MFN2: variants seen among roughly 807,000 people sequenced by gnomAD.
The protein encoded by MFN2 is mitofusin 2, also known as mitofusin-2.
Under a neutral mutation model 87.5 loss-of-function variants are expected in MFN2, and 43 were observed. The observed-to-expected ratio is 0.49, with a 90% confidence interval of 0.38 to 0.63. The LOEUF (loss-of-function observed/expected upper bound fraction) is 0.63. Among genes scored for constraint, MFN2 ranks in the 30% least tolerant of loss-of-function variants. MFN2 has a pLI of 0.00. For synonymous variants in MFN2, 337 were observed against 359.9 expected (o/e 0.94, Z 0.72); for missense variants, 743 against 972.8 (o/e 0.76, Z 3.14).
At position 12,006,524 on chromosome 1, in the gene MFN2, G is replaced by A. The variant is rs1482223063; in HGVS notation, c.1717-14G>A. 6.2e-7 allele frequency: 1 copy of A among 1,613,952 alleles called. No individual in the cohort carries two copies. The highest frequency in any genetic ancestry group is 2.2e-5 in the East Asian group (1 of 44,890). On this transcript the variant is annotated splice_polypyrimidine_tract_variant and intron_variant, in intron 15 of 18. Transcript: ENST00000235329. ...AATACGTCCCCCTCACCCCTCTCATGTTTCTCTCCTCAGGTCCAGCGTCCC... is the reference window on the plus strand; with the variant it reads ...AATACGTCCCCCTCACCCCTCTCATATTTCTCTCCTCAGGTCCAGCGTCCC...
chr1:11,983,436 A>C (rs888770581), intron 2 of MFN2, among the ~76,000 whole-genome samples: 1 of 152,178 alleles, frequency 6.6e-6, no homozygotes, highest in Admixed American at 6.5e-5. Context: ...ATTGGGTGCA[A>C]GTCGAGTTCT....
At chr1:11,995,862 A>T (rs113307781) in intron 4 of MFN2, among the ~76,000 whole-genome samples, 32 of 152,270 alleles carry the variant, frequency 2.1e-4, no homozygotes, top group African/African-American at 3.8e-4. Flanking sequence ...AGACAGACAG[A>T]CAGTCTCTAT....
intron 6 of MFN2, among the ~76,000 whole-genome samples, chr1:11,998,112 G>T (rs1025144498): frequency 6.6e-6 from 1 of 151,330 alleles, no homozygotes; most frequent in African/African-American, 2.4e-5. Context: ...TTGAACTGCT[G>T]ACCTCATGAT....
chr1:12,011,385 G>A (rs1206138066), intron 18 of MFN2, 111 bp from the exon 19 acceptor site: 5 of 1,099,556 alleles, frequency 4.5e-6, no homozygotes, highest in South Asian at 1.3e-5. Context: ...ACGATTGTTG[G>A]AGGATGATGT....
chr1:11,981,898 T>A (rs1645991565), intron 1 of MFN2, 72 bp from the exon 2 acceptor site: 2 of 150,748 alleles, frequency 1.3e-5, no homozygotes, highest in South Asian at 4.2e-4. Context: ...GAAACCTGAT[T>A]AGACATGTTT....
At chr1:12,011,345 C>T in intron 18 of MFN2, 151 bp from the exon 19 acceptor site, 1 of 840,490 alleles carries the variant, frequency 1.2e-6, no homozygotes, top group Non-Finnish European at 2.0e-6. Flanking sequence ...TCTGGGCCTC[C>T]TTTTCCCCAT....
chr1:12,005,964 G>A lies in MFN2; in HGVS notation c.1716+33G>A, dbSNP rs200705455. ...AAGTTCCTCACCTCAAGGGCATTGT[G>A]GGGGGTCAGTCTGTACCCTGCCTCC... On this transcript the variant is annotated intron_variant, in intron 15 of 18. Transcript: ENST00000235329. The A allele has an allele frequency of 7.5e-6, 12 of 1,598,244 alleles. No individual in the cohort carries two copies. In the Admixed American group the frequency reaches 1.8e-4, roughly 24 times the overall value.
intron 14 of MFN2, 27 bp from the exon 15 acceptor site, chr1:12,005,684 C>G (rs530820293): frequency 1.2e-6 from 2 of 1,608,562 alleles, no homozygotes; most frequent in Non-Finnish European, 8.5e-7. Context: ...AGCTGATAAG[C>G]TTTTCCTCCA....
At chr1:11,995,995 C>T (rs1460983073) in intron 4 of MFN2, among the ~76,000 whole-genome samples, 161 bp from the exon 5 acceptor site, 3 of 152,158 alleles carry the variant, frequency 2.0e-5, no homozygotes, top group African/African-American at 7.2e-5. Context: ...GGTGTTTATT[C>T]ATTTTAATAA....
rs35943162 is a variant in MFN2, at chr1:12,013,194, G to GA, written c.*1640dup. 9,489 of 300,104 alleles carry GA rather than the reference G, an allele frequency of 0.032. 212 individuals are homozygous for GA. The highest frequency in any genetic ancestry group is 0.1 in the African/African-American group (4,523 of 43,860). The allele number at this position is 300,104 out of a possible 1,614,324, so 18.6% of individuals were successfully genotyped here. On this transcript the variant is annotated 3_prime_UTR_variant, in exon 19 of 19. Coordinates refer to ENST00000235329, the MANE Select transcript of MFN2 (RefSeq NM_014874.4). ...TTCCAATGGATTTTGTGCTCTTTTT[G>GA]AAAAAAAAAAATTCTTTAGCGTAAA... is the stretch of plus-strand genomic sequence containing the variant.
rs755531928 is a variant in MFN2, at chr1:12,006,561, G to A, written c.1740G>A (p.Thr580=). ...AGGTCCAGCGTCCCATCCCTCTGACGCCAGCCAACCCCAGCATGCCCCCAC... is the reference window on the plus strand; with the variant it reads ...AGGTCCAGCGTCCCATCCCTCTGACACCAGCCAACCCCAGCATGCCCCCAC... ...NDQVQRPIPL[T]PANPSMPPLP... is the part of the protein sequence containing the mutation. The change falls in exon 16 of 19, where the codon ACG becomes ACA. Residue 580 remains threonine, a synonymous_variant. Coordinates refer to ENST00000235329, the MANE Select transcript of MFN2 (RefSeq NM_014874.4). The A allele has an allele frequency of 1.9e-6, 3 of 1,614,128 alleles. No individual in the cohort carries two copies. The highest frequency in any genetic ancestry group is 2.2e-5 in the East Asian group (1 of 44,888).
chr1:12,006,919 T>C lies in MFN2; in HGVS notation c.1873-134T>C, dbSNP rs970717855. The C allele has an allele frequency of 1.7e-5, 22 of 1,325,442 alleles. No homozygotes were observed. The East Asian group carries it at 4.4e-4, about 26-fold the overall frequency. The allele number at this position is 1,325,442 out of a possible 1,614,324, so 82.1% of individuals were successfully genotyped here. A position where few individuals can be genotyped will look rare whatever the true frequency, so the allele number is the denominator to read the frequency against. On this transcript the variant is annotated intron_variant, in intron 16 of 18. Coordinates refer to ENST00000235329, the MANE Select transcript of MFN2 (RefSeq NM_014874.4). ...GGCCTCGGTGGGATCAAAGGAGACA[T>C]TGAAAGAGGAACTCAGAGTAGAAAC...
Position 12,008,478 on chromosome 1 carries a change from C to A in MFN2, c.2070-1114C>A, listed in dbSNP as rs533925656. On this transcript the variant is annotated intron_variant, in intron 17 of 18. Transcript: ENST00000235329. ...GCTGGCCGGGCGGGGACTGACCCCC[C>A]ACCTCCCGGACGGGGCGGCTGCTAG... Among the ~76,000 whole-genome samples, 6 of 151,524 alleles carry A rather than the reference C, an allele frequency of 4.0e-5. No individual in the cohort carries two copies. The East Asian group carries it at 7.8e-4, about 20-fold the overall frequency.
In MFN2 at chr1:11,996,221, T is replaced by A. The variant is rs1334228742; in HGVS notation, c.377T>A (p.Ile126Asn). ...TGGGACAAAGTTCTGCCCTCTGGGA[T>A]TGGCCACACCACCAATTGCTTCCTG... is the stretch of plus-strand genomic sequence containing the variant. ...MLWDKVLPSG[I>N]GHTTNCFLRV... The change falls in exon 5 of 19, where the codon ATT (isoleucine) becomes AAT (asparagine). Residue 126 changes from isoleucine to asparagine, a missense_variant. Around this residue, in one of 3 missense-constraint regions of MFN2, gnomAD observed 141 missense variants for 278.9 expected, o/e 0.51. Transcript: ENST00000235329. 1 of 1,614,094 alleles carries A rather than the reference T, an allele frequency of 6.2e-7. No homozygotes were observed. Among genetic ancestry groups the A allele is most frequent in the Non-Finnish European group, 8.5e-7 (1 of 1,180,034 alleles).
chr1:12,004,588 C>T lies in MFN2; in HGVS notation c.1367C>T (p.Pro456Leu), dbSNP rs78658090. ...TACCAGATGGACTTCCACCCTTCTC[C>T]AGTAGTCCTCAAGGTTTATAAGAAT... ...DDYQMDFHPS[P>L]VVLKVYKNEL... Residue 456 changes from proline (P) to leucine (L), a missense_variant, in exon 13 of 19, where the codon CCA (proline) becomes CTA (leucine). This residue lies in a region of MFN2 where 571 missense variants were observed against 670.7 expected (regional missense o/e 0.85). Transcript: ENST00000235329. The surrounding 1 kb of genome is among the most constrained non-coding windows in gnomAD (Gnocchi z 4.2). 6.2e-6 allele frequency: 10 copies of T among 1,614,120 alleles called. No individual in the cohort carries two copies. In the East Asian group the frequency reaches 1.1e-4, roughly 18 times the overall value.
intron 17 of MFN2, among the ~76,000 whole-genome samples, chr1:12,008,521 C>A (rs1259103320): frequency 6.6e-6 from 1 of 152,072 alleles, no homozygotes; most frequent in African/African-American, 2.4e-5. Context: ...CGCTTACTTC[C>A]CAGACGGGGG....
intron 5 of MFN2, among the ~76,000 whole-genome samples, chr1:11,996,758 T>C (rs7535555): frequency 0.88 from 133,239 of 152,180 alleles, 58,682 homozygotes; most frequent in East Asian, 1. Flanking sequence ...AATCAATTGG[T>C]CGGGCACGGT....
intron 2 of MFN2, among the ~76,000 whole-genome samples, chr1:11,985,482 T>TG (rs1180231528): frequency 1.7e-5 from 2 of 120,956 alleles, no homozygotes; most frequent in African/African-American, 3.3e-5. Context: ...TTTTTTTTTT[T>TG]AAAGAGAGAG....
chr1:12,006,722 G>A (rs368636328), intron 16 of MFN2, 29 bp downstream of exon 16: 2 of 1,613,968 alleles, frequency 1.2e-6, no homozygotes, highest in South Asian at 1.1e-5. Flanking sequence ...TCGGGAAGGT[G>A]GGGGCGGAGG....
Sources: allele counts gnomAD v4.1 joint callset (sites outside exome capture counted in the v4.1 genomes callset), GRCh38; gene constraint gnomAD v4.1.1; regional missense constraint gnomAD v4.1.1; non-coding constraint Gnocchi (gnomAD v3.1); transcripts MANE v1.5; gene names NCBI Gene and HGNC (gene_info 2026-07-23, HGNC 2026-07-21).